Variants in DUOX2 observed in about 807,000 individuals in gnomAD.
The protein encoded by DUOX2 is dual oxidase 2, also known as NADH/NADPH thyroid oxidase p138-tox.
A neutral mutation model predicts 183.3 loss-of-function variants in DUOX2; 185 were observed. The ratio of observed to expected loss-of-function variants is 1.01; its 90% CI spans 0.90 to 1.14. The LOEUF is 1.14. Among genes scored for constraint, DUOX2 ranks in the 50% most tolerant of loss-of-function variants. DUOX2 has a pLI of 0.00. For missense variants in DUOX2, 1,999 were observed against 2,022.9 expected, an observed-to-expected ratio of 0.99 and a Z score of 0.23; for synonymous variants, 788 against 812.4, an observed-to-expected ratio of 0.97 and a Z score of 0.51.
rs765463443 is a variant in DUOX2, at chr15:45,107,015, A to G, written c.1694-46T>C. On this transcript the variant is annotated intron_variant, in intron 14 of 33. Transcript: ENST00000389039. ...GACCTCAAAGTCTGAGGATCCCGCTATGTGGCCAGACCTCTTTCCCCTCTA... is the reference window on the plus strand; with the variant it reads ...GACCTCAAAGTCTGAGGATCCCGCTGTGTGGCCAGACCTCTTTCCCCTCTA... 1.3e-5 allele frequency: 21 copies of G among 1,556,988 alleles called. No individual in the cohort carries two copies. The East Asian group carries it at 4.8e-4, about 35-fold the overall frequency.
At chr15:45,097,565 C>A (rs1402995972) in intron 28 of DUOX2, 49 bp downstream of exon 28, 2 of 1,614,046 alleles carry the variant, frequency 1.2e-6, no homozygotes, top group Admixed American at 1.7e-5. Flanking sequence ...ACCTTCCTGT[C>A]CCATCCTGAG....
At chr15:45,100,500 T>C (rs1358327413) in intron 23 of DUOX2, 1 of 609,660 alleles carries the variant, frequency 1.6e-6, no homozygotes, top group Non-Finnish European at 2.9e-6. Context: ...CTCAAGGCTG[T>C]GCCCAAAGCA....
At position 45,095,607 on chromosome 15, in the gene DUOX2, G is replaced by T. The variant is rs569614567; in HGVS notation, c.4081-12C>A. ...CCATCAAGGTACAGCTGCCAAGAGA[G>T]GGGGGAGATGAAATGAGCCTGACCC... On this transcript the variant is annotated splice_polypyrimidine_tract_variant and intron_variant, in intron 30 of 33. Transcript: ENST00000389039. 2.5e-6 allele frequency: 4 copies of T among 1,614,154 alleles called. No homozygotes were observed. The Admixed American group carries it at 5.0e-5, about 20-fold the overall frequency.
chr15:45,108,295 G>A (rs552932490), intron 12 of DUOX2, 73 bp from the exon 13 acceptor site: 69 of 1,570,526 alleles, frequency 4.4e-5, no homozygotes, highest in African/African-American at 3.2e-4. Context: ...CCCATCCCTC[G>A]GGCACAGAAC....
chr15:45,108,589 T>A, intron 12 of DUOX2, 200 bp downstream of exon 12: 1 of 690,184 alleles, frequency 1.4e-6, no homozygotes, highest in Non-Finnish European at 2.5e-6. Context: ...TGGTTAGGAA[T>A]ATATTCTGGA....
At chr15:45,102,684 C>T (rs1894112380) in intron 20 of DUOX2, among the ~76,000 whole-genome samples, 1 of 152,126 alleles carries the variant, frequency 6.6e-6, no homozygotes, top group Admixed American at 6.5e-5. Context: ...AGTTACAGGA[C>T]AAGAAGGTGG....
intron 3 of DUOX2, 101 bp downstream of exon 3, chr15:45,112,886 C>G: frequency 6.5e-7 from 1 of 1,546,952 alleles, no homozygotes; most frequent in African/African-American, 1.4e-5. Flanking sequence ...GGCAGCGGAG[C>G]TGCTGGGCGC....
chr15:45,108,126 G>C lies in DUOX2; in HGVS notation c.1495C>G (p.Leu499Val). 6.2e-6 allele frequency: 10 copies of C among 1,614,132 alleles called. No homozygotes were observed. Among genetic ancestry groups the C allele is most frequent in the Non-Finnish European group, 7.6e-6 (9 of 1,179,990 alleles). ...TGGTCGAGGACAATGGCACTGAACA[G>C]GGGTCCAGGGTCCCCATGGCTCTCC... ...LLESHGDPGP[L>V]FSAIVLDQFV... Residue 499 changes from leucine (L) to valine (V), a missense_variant, in exon 13 of 34, where the codon CTG becomes GTG. Leu to Val is a conservative substitution (Grantham distance 32). Transcript: ENST00000389039.
intron 2 of DUOX2, 25 bp from the exon 3 acceptor site, chr15:45,113,101 T>C (rs375237898): frequency 2.5e-6 from 4 of 1,607,498 alleles, no homozygotes; most frequent in Non-Finnish European, 2.6e-6. Flanking sequence ...AAGGGCCTCC[T>C]CAGCACTACG....
At chr15:45,110,816 T>C (rs1595528157) in intron 7 of DUOX2, 106 bp from the exon 8 acceptor site, 2 of 1,558,770 alleles carry the variant, frequency 1.3e-6, no homozygotes, top group South Asian at 2.3e-5. Context: ...CCAGGAAGGG[T>C]CAATCATGGG....
chr15:45,112,409 T>C lies in DUOX2; in HGVS notation c.325+145A>G, dbSNP rs1412463360. 5.0e-6 allele frequency: 5 copies of C among 993,704 alleles called. No individual in the cohort carries two copies. The Admixed American group carries it at 1.0e-4, about 20-fold the overall frequency. The allele number at this position is 993,704 out of a possible 1,614,324, so 61.6% of individuals were successfully genotyped here. A position where few individuals can be genotyped will look rare whatever the true frequency, so the allele number is the denominator to read the frequency against. On this transcript the variant is annotated intron_variant, in intron 4 of 33. Transcript: ENST00000389039. Reference sequence around the variant, plus strand: ...TCAACATCCCAAAATCTCTCCGAGATGAAGGCAGTCTCGAAGTGCTGCGTA... The same window carrying C: ...TCAACATCCCAAAATCTCTCCGAGACGAAGGCAGTCTCGAAGTGCTGCGTA...
chr15:45,105,674 A>C lies in DUOX2; in HGVS notation c.2303T>G (p.Leu768Arg). The C allele has an allele frequency of 6.2e-7, 1 of 1,614,230 alleles. No individual in the cohort carries two copies. The change falls in exon 18 of 34, where the codon CTG (leucine) becomes CGG (arginine). Residue 768 changes from leucine (L) to arginine (R), a missense_variant. This residue lies in a region of DUOX2 where 1,628 missense variants were observed against 1,608.6 expected (regional missense o/e 1.01). Coordinates refer to ENST00000389039, the MANE Select transcript of DUOX2 (RefSeq NM_001363711.2). ...AVTKQQRERI[L>R]EIFFRHLFAQ... ...AAAAAGGTGTCTGAAGAAGATCTCC[A>C]GGATGCGTTCCCGCTGCTGCTTTGT...
At chr15:45,100,619 C>T (rs1161349164) in intron 23 of DUOX2, 136 bp downstream of exon 23, 15 of 834,382 alleles carry the variant, frequency 1.8e-5, no homozygotes, top group Non-Finnish European at 2.8e-5. Context: ...ACACTGTAAC[C>T]TCTCAGTCAG....
Position 45,106,110 on chromosome 15 carries a change from C to G in DUOX2, c.2148+15G>C. 1 of 1,613,754 alleles carries G rather than the reference C, an allele frequency of 6.2e-7. No individual in the cohort carries two copies. Among genetic ancestry groups the G allele is most frequent in the Non-Finnish European group, 8.5e-7 (1 of 1,179,914 alleles). ...GTGAGGGCAGCCCAGGCTGGGGAGGCAGGACGAGCCATACCAGGTCATACT... is the reference window on the plus strand; with the variant it reads ...GTGAGGGCAGCCCAGGCTGGGGAGGGAGGACGAGCCATACCAGGTCATACT... On this transcript the variant is annotated intron_variant, in intron 17 of 33. Transcript: ENST00000389039.
intron 32 of DUOX2, 67 bp from the exon 33 acceptor site, chr15:45,094,758 A>C: frequency 6.2e-7 from 1 of 1,606,376 alleles, no homozygotes. Flanking sequence ...GCCAGCCCAC[A>C]TAGCCCAAGA....
In DUOX2 at chr15:45,095,828, C is replaced by A. The variant is rs374891282; in HGVS notation, c.4080G>T (p.Lys1360Asn). ...PKGNGCAGYP[K>N]LYLDGPFGEG... ...AAGCAGGGTTCCCAGTGACGGGCAC[C>A]TTTGGGTATCCAGCACAGCCATTGC... Residue 1360 changes from lysine to asparagine, a missense_variant and splice_region_variant, in exon 30 of 34, where the codon AAG becomes AAT. Physicochemically the swap from Lys to Asn is moderately conservative, Grantham distance 94. Around this residue, in one of 3 missense-constraint regions of DUOX2, gnomAD observed 1,628 missense variants for 1,608.6 expected, o/e 1.01. Transcript: ENST00000389039. 2.5e-6 allele frequency: 4 copies of A among 1,613,812 alleles called. No homozygotes were observed.
Position 45,109,572 on chromosome 15 carries a change from A to G in DUOX2, c.1186T>C (p.Ser396Pro), listed in dbSNP as rs769385031. ...TTGTCCTCCAACTCCGAAATCTGGG[A>G]GGCCATTCCCAGCAGCAGCTCATTC... ...EVNELLLGMA[S>P]QISELEDNIV... The change falls in exon 11 of 34, where the codon TCC (serine) becomes CCC (proline). Residue 396 changes from serine (S) to proline (P), a missense_variant. Transcript: ENST00000389039. 23 of 1,613,964 alleles carry G rather than the reference A, an allele frequency of 1.4e-5. No individual in the cohort carries two copies. The highest frequency in any genetic ancestry group is 1.6e-5 in the Non-Finnish European group (19 of 1,180,028).
Position 45,106,470 on chromosome 15 carries a change from G to C in DUOX2, c.1945+58C>G, listed in dbSNP as rs1894215669. ...CTCTGTAACTTGGTTCTTTCTCCCA[G>C]ACTCCTGTCTCTCCCCTCCTCCGTC... On this transcript the variant is annotated intron_variant, in intron 16 of 33. Transcript: ENST00000389039. 2.5e-6 allele frequency: 4 copies of C among 1,599,038 alleles called. No homozygotes were observed. The Admixed American group carries it at 6.7e-5, about 27-fold the overall frequency.
chr15:45,101,415 G>T, intron 21 of DUOX2, 141 bp from the exon 22 acceptor site: 2 of 783,378 alleles, frequency 2.6e-6, no homozygotes, highest in Non-Finnish European at 2.2e-6. Flanking sequence ...CCTAGACTAA[G>T]CACTCACTGT....
Sources: allele counts gnomAD v4.1 joint callset (sites outside exome capture counted in the v4.1 genomes callset), GRCh38; gene constraint gnomAD v4.1.1; regional missense constraint gnomAD v4.1.1; transcripts MANE v1.5; gene names NCBI Gene and HGNC (gene_info 2026-07-23, HGNC 2026-07-21).